N4BP2: variants seen among roughly 807,000 people sequenced by gnomAD.
N4BP2 encodes the protein NEDD4 binding protein 2, also known as NEDD4-binding protein 2.
N4BP2 carries 91 observed loss-of-function variants against 152.8 expected under a neutral mutation model. That is an observed-to-expected ratio of 0.60 (90% CI 0.50 to 0.71). N4BP2 has a LOEUF of 0.71. N4BP2 is among the 30% of genes least tolerant of loss of function. The pLI is 0.00. For synonymous variants in N4BP2, 646 were observed against 705.3 expected (o/e 0.92, Z 1.33); for missense variants, 1,923 against 2,059.1 (o/e 0.93, Z 1.28).
chr4:40,179,436 ATAG>A, the N4BP2 span, among the ~76,000 whole-genome samples: 1 of 152,198 alleles, frequency 6.6e-6, no homozygotes, highest in Non-Finnish European at 1.5e-5. Context: ...AGCAAAACTA[ATAG>A]TAGCTAATGT....
chr4:40,102,248 G>A lies in N4BP2; in HGVS notation c.403G>A (p.Asp135Asn). 1.9e-6 allele frequency: 3 copies of A among 1,613,826 alleles called. No homozygotes were observed. Among genetic ancestry groups the A allele is most frequent in the Non-Finnish European group, 2.5e-6 (3 of 1,179,910 alleles). ...AGATTCAAAAATGGATTCATTTTTG[G>A]ACATGCAGCTAACTGAAGACCTGGA... ...SEDSKMDSFLDMQLTEDLDSL... is the reference protein window; with the variant it reads ...SEDSKMDSFLNMQLTEDLDSL... Residue 135 changes from aspartate (D) to asparagine (N), a missense_variant, in exon 4 of 18, where the codon GAC becomes AAC. Transcript: ENST00000261435.
chr4:40,180,553 AC>A, the N4BP2 span, among the ~76,000 whole-genome samples: 20 of 152,320 alleles, frequency 1.3e-4, no homozygotes, highest in African/African-American at 4.3e-4. Flanking sequence ...TCATTATTCC[AC>A]AGGAATACTT....
Position 40,084,391 on chromosome 4 carries a change from G to A in N4BP2, c.-115+10840G>A, listed in dbSNP as rs1713708860. Among the ~76,000 whole-genome samples, 3 of 151,788 alleles carry A rather than the reference G, an allele frequency of 2.0e-5. 1 individual carries two copies. In the South Asian group the frequency reaches 6.2e-4, roughly 32 times the overall value. On this transcript the variant is annotated intron_variant, in intron 2 of 17. Coordinates refer to ENST00000261435, the MANE Select transcript of N4BP2 (RefSeq NM_018177.6). ...GCAATTACTATAGATAGGGCAGGGT[G>A]GCAGAGGAGAATCAGGTCACTTTTA...
chr4:40,133,408 T>C (rs1420446042), intron 13 of N4BP2, among the ~76,000 whole-genome samples: 1 of 152,168 alleles, frequency 6.6e-6, no homozygotes, highest in African/African-American at 2.4e-5. Flanking sequence ...CCATCGTGGC[T>C]CACTGCAGCC....
intron 11 of N4BP2, among the ~76,000 whole-genome samples, chr4:40,125,852 A>G (rs1289999946): frequency 6.8e-6 from 1 of 146,006 alleles, no homozygotes; most frequent in Non-Finnish European, 1.5e-5. Flanking sequence ...GCGCCATTGC[A>G]CTCCAGCCTG....
chr4:40,187,544 TC>T, the N4BP2 span, among the ~76,000 whole-genome samples: 1 of 152,052 alleles, frequency 6.6e-6, no homozygotes, highest in Non-Finnish European at 1.5e-5. Flanking sequence ...GGTCTCAAAC[TC>T]CTGGGCTCAA....
the N4BP2 span, among the ~76,000 whole-genome samples, chr4:40,175,245 AG>A: frequency 6.6e-6 from 1 of 150,386 alleles, no homozygotes; most frequent in South Asian, 2.1e-4. Flanking sequence ...TTACCCAGGC[AG>A]GTTTGGAACT....
intron 2 of N4BP2, among the ~76,000 whole-genome samples, chr4:40,079,414 C>T (rs929078536): frequency 6.7e-6 from 1 of 150,224 alleles, no homozygotes. Context: ...ACTGTGCCCA[C>T]CCTGGATGGT....
chr4:40,062,271 G>A (rs532297869), intron 1 of N4BP2, among the ~76,000 whole-genome samples: 28 of 151,470 alleles, frequency 1.8e-4, no homozygotes, highest in African/African-American at 5.8e-4. Flanking sequence ...ATAGAGATGG[G>A]GTTTCACCGT....
In N4BP2 at chr4:40,154,464, AC is replaced by A; in HGVS notation, c.*228del. 2.4e-6 allele frequency: 1 copy of A among 416,192 alleles called. No homozygotes were observed. The highest frequency in any genetic ancestry group is 4.3e-5 in the Admixed American group (1 of 23,094). The allele number at this position is 416,192 out of a possible 1,614,324, so 25.8% of individuals were successfully genotyped here. The stretch of plus-strand genomic sequence containing the variant: ...ATATTACAGAGAAATTTTATTGATT[AC>A]AAAATATGTAAGAAAATTATCAGCT... On this transcript the variant is annotated 3_prime_UTR_variant, in exon 18 of 18. Coordinates refer to ENST00000261435, the MANE Select transcript of N4BP2 (RefSeq NM_018177.6).
chr4:40,060,338 A>G (rs809915), intron 1 of N4BP2, among the ~76,000 whole-genome samples: 129,109 of 151,822 alleles, frequency 0.85, 54,968 homozygotes, highest in East Asian at 0.97. Flanking sequence ...TCTGCCTCCC[A>G]GGTTCAAGCA....
intron 3 of N4BP2, 84 bp from the exon 4 acceptor site, chr4:40,101,991 T>G: frequency 1.2e-6 from 1 of 844,946 alleles, no homozygotes; most frequent in Non-Finnish European, 1.8e-6. Flanking sequence ...TCCAATATAA[T>G]TTTAGCTGGA....
chr4:40,141,969 T>C (rs1579128577), intron 14 of N4BP2, among the ~76,000 whole-genome samples: 1 of 147,148 alleles, frequency 6.8e-6, no homozygotes, highest in Non-Finnish European at 1.5e-5. Flanking sequence ...GTGCCTGCAA[T>C]GGCAGGCACT....
chr4:40,110,058 C>T (rs1469110355), intron 5 of N4BP2, among the ~76,000 whole-genome samples: 1 of 152,156 alleles, frequency 6.6e-6, no homozygotes, highest in Non-Finnish European at 1.5e-5. Context: ...TTTGCCTATT[C>T]CAGACATTTC....
Position 40,120,227 on chromosome 4 carries a change from G to C in N4BP2, c.2116G>C (p.Val706Leu), listed in dbSNP as rs368624382. 1 of 1,613,714 alleles carries C rather than the reference G, an allele frequency of 6.2e-7. No individual in the cohort carries two copies. Among genetic ancestry groups the C allele is most frequent in the African/African-American group, 1.3e-5 (1 of 74,926 alleles). The change falls in exon 9 of 18, where the codon GTG (valine) becomes CTG (leucine). Residue 706 changes from valine (V) to leucine (L), a missense_variant. Transcript: ENST00000261435. ...DKSENEQIEM[V>L]AVKGYSKTDT... ...AAGTGAAAACGAGCAAATAGAAATGGTGGCTGTAAAAGGGTATAGTAAAAC... is the reference window on the plus strand; with the variant it reads ...AAGTGAAAACGAGCAAATAGAAATGCTGGCTGTAAAAGGGTATAGTAAAAC...
chr4:40,122,151 G>A lies in N4BP2; in HGVS notation c.4040G>A (p.Ser1347Asn). ...AAGGAAATTCTAATGGCAGGAAGTAGTTTATCAGCTGGAGTTAGTGGGGAA... is the reference window on the plus strand; with the variant it reads ...AAGGAAATTCTAATGGCAGGAAGTAATTTATCAGCTGGAGTTAGTGGGGAA... The part of the protein sequence containing the change: ...EMKEILMAGS[S>N]LSAGVSGEDK... Residue 1347 changes from serine to asparagine, a missense_variant, in exon 9 of 18, where the codon AGT becomes AAT. Transcript: ENST00000261435. 2.5e-6 allele frequency: 4 copies of A among 1,611,712 alleles called. No individual in the cohort carries two copies. Among genetic ancestry groups the A allele is most frequent in the South Asian group, 1.1e-5 (1 of 90,824 alleles).
intron 5 of N4BP2, among the ~76,000 whole-genome samples, chr4:40,107,271 A>G (rs1351132721): frequency 1.3e-5 from 2 of 151,560 alleles, no homozygotes; most frequent in Non-Finnish European, 2.9e-5. Flanking sequence ...TAATTTTTGT[A>G]TTTTTTGTTG....
At chr4:40,188,367 C>T in the N4BP2 span, among the ~76,000 whole-genome samples, 6 of 152,198 alleles carry the variant, frequency 3.9e-5, no homozygotes, top group African/African-American at 1.4e-4. Flanking sequence ...CTCTCTGTGC[C>T]TCAGTTTCCT....
the N4BP2 span, among the ~76,000 whole-genome samples, chr4:40,171,945 G>A: frequency 2.0e-5 from 3 of 152,078 alleles, no homozygotes; most frequent in African/African-American, 7.2e-5. Context: ...TCACTCTGTC[G>A]CTCAGGCTGG....
Sources: allele counts gnomAD v4.1 joint callset (sites outside exome capture counted in the v4.1 genomes callset), GRCh38; gene constraint gnomAD v4.1.1; transcripts MANE v1.5; gene names NCBI Gene and HGNC (gene_info 2026-07-23, HGNC 2026-07-21).